Variants in CHRNB1 observed in about 807,000 individuals in gnomAD.
The protein encoded by CHRNB1 is acetylcholine receptor subunit beta.
A neutral mutation model predicts 53.8 loss-of-function variants in CHRNB1; 47 were observed. The observed-to-expected ratio is 0.87, with a 90% CI of 0.69 to 1.11. The LOEUF (loss-of-function observed/expected upper bound fraction) is 1.11. Among genes scored for constraint, CHRNB1 ranks in the 50% most tolerant of loss-of-function variants. The probability of loss-of-function intolerance (pLI) is 0.00; values close to 1 mark genes in which losing one functional copy is unlikely to be tolerated. For missense variants in CHRNB1, 605 were observed against 654.9 expected, an observed-to-expected ratio of 0.92 and a Z score of 0.83; for synonymous variants, 259 against 263.5, an observed-to-expected ratio of 0.98 and a Z score of 0.16.
Position 7,445,241 on chromosome 17 carries a change from A to G in CHRNB1, c.59-29A>G. 6.2e-7 allele frequency: 1 copy of G among 1,612,180 alleles called. No homozygotes were observed. Among genetic ancestry groups the G allele is most frequent in the Non-Finnish European group, 8.5e-7 (1 of 1,179,550 alleles). On this transcript the variant is annotated intron_variant, in intron 1 of 10. Coordinates refer to ENST00000306071, the MANE Select transcript of CHRNB1 (RefSeq NM_000747.3). The surrounding 1 kb of genome is among the most constrained non-coding windows in gnomAD (Gnocchi z 5.7). Reference sequence around the variant, plus strand: ...GGGCCAGCGGTCGTGGCCAGGCACCAGGGCTGCACTTATTCTCTCCTCCCC... The same window carrying G: ...GGGCCAGCGGTCGTGGCCAGGCACCGGGGCTGCACTTATTCTCTCCTCCCC...
rs1252916007 is a variant in CHRNB1 at position 7,445,628 on chromosome 17, C to G, written c.198+219C>G. 3.3e-5 allele frequency: 48 copies of G among 1,432,908 alleles called. No individual in the cohort carries two copies. The East Asian group carries it at 7.1e-4, about 21-fold the overall frequency. The allele number at this position is 1,432,908 out of a possible 1,614,324, so 88.8% of individuals were successfully genotyped here. ...GAGTAGAACTGGGTAGGGTGAAGGACGGACCTGTGATCGGACCTTAAAGTG... is the reference window on the plus strand; with the variant it reads ...GAGTAGAACTGGGTAGGGTGAAGGAGGGACCTGTGATCGGACCTTAAAGTG... On this transcript the variant is annotated intron_variant, in intron 2 of 10. Transcript: ENST00000306071. The surrounding 1 kb of genome is among the most constrained non-coding windows in gnomAD (Gnocchi z 5.7).
chr17:7,452,865 A>T (rs535068901), intron 7 of CHRNB1, among the ~76,000 whole-genome samples: 52 of 152,318 alleles, frequency 3.4e-4, no homozygotes, highest in Non-Finnish European at 5.3e-4. Context: ...TCTACTAAAA[A>T]TACAAAAAGT....
intron 5 of CHRNB1, 163 bp from the exon 6 acceptor site, chr17:7,447,340 C>A: frequency 1.1e-6 from 1 of 947,690 alleles, no homozygotes; most frequent in East Asian, 2.6e-5. Context: ...TCTAGTCTTA[C>A]TCAGTGACCG....
chr17:7,447,303 T>C, intron 5 of CHRNB1, 152 bp downstream of exon 5: 1 of 910,616 alleles, frequency 1.1e-6, no homozygotes. Flanking sequence ...GGTTTTCCAT[T>C]GAGTGTTCTG....
intron 10 of CHRNB1, 132 bp from the exon 11 acceptor site, chr17:7,456,451 C>T: frequency 8.7e-7 from 1 of 1,149,138 alleles, no homozygotes; most frequent in Non-Finnish European, 1.3e-6. Flanking sequence ...GTCTCGCTCT[C>T]CTGTTGGCGC....
intron 7 of CHRNB1, among the ~76,000 whole-genome samples, chr17:7,452,057 CT>C (rs34297883): frequency 0.43 from 58,905 of 138,508 alleles, 13,057 homozygotes; most frequent in African/African-American, 0.6. Context: ...TTTCCTTTTT[CT>C]TTTTTTTTTT....
Position 7,457,317 on chromosome 17 carries a change from C to CAA in CHRNB1, c.*605_*606dup, listed in dbSNP as rs879886948. The CAA allele has an allele frequency of 4.1e-5, 6 of 146,250 alleles. No individual in the cohort carries two copies. Among genetic ancestry groups the CAA allele is most frequent in the South Asian group, 2.0e-4 (1 of 5,056 alleles). The allele number at this position is 146,250 out of a possible 1,614,324, so 9.1% of individuals were successfully genotyped here. On this transcript the variant is annotated 3_prime_UTR_variant, in exon 11 of 11. Coordinates refer to ENST00000306071, the MANE Select transcript of CHRNB1 (RefSeq NM_000747.3). ...GGGCAACAAGAGCGAAACTCCATCT[C>CAA]AAAAAAAAAAAAGTGTCTTGTTCAC...
In CHRNB1 at chr17:7,457,105, G is replaced by T. The variant is rs1483046776; in HGVS notation, c.*382G>T. ...GGCCAAGGCGGGCGGATCACCTGAG[G>T]TCGGGAGTTTGAGACCAGCCCGACC... On this transcript the variant is annotated 3_prime_UTR_variant, in exon 11 of 11. Coordinates refer to ENST00000306071, the MANE Select transcript of CHRNB1 (RefSeq NM_000747.3). 3 of 253,982 alleles carry T rather than the reference G, an allele frequency of 1.2e-5. No homozygotes were observed. The highest frequency in any genetic ancestry group is 1.6e-5 in the Non-Finnish European group (2 of 126,672). The allele number at this position is 253,982 out of a possible 1,614,324, so 15.7% of individuals were successfully genotyped here. A position where few individuals can be genotyped will look rare whatever the true frequency, so the allele number is the denominator to read the frequency against.
At position 7,445,719 on chromosome 17, in the gene CHRNB1, C is replaced by T; in HGVS notation, c.198+310C>T. The T allele has an allele frequency of 1.1e-6, 1 of 952,024 alleles. No homozygotes were observed. The highest frequency in any genetic ancestry group is 1.5e-6 in the Non-Finnish European group (1 of 663,452). 59.0% of individuals were successfully genotyped at this position (952,024 alleles called of 1,614,324 possible). A position where few individuals can be genotyped will look rare whatever the true frequency, so the allele number is the denominator to read the frequency against. The stretch of plus-strand genomic sequence containing the variant: ...GTAGGGCCACATGAGTCCTGAGTGC[C>T]CAGGGTGGGGCGGAGCTTGGTGCTC... On this transcript the variant is annotated intron_variant, in intron 2 of 10. Transcript: ENST00000306071. This position sits in a 1 kb window ranked among gnomAD's most constrained non-coding sequence, Gnocchi z 5.7.
intron 8 of CHRNB1, 41 bp downstream of exon 8, chr17:7,454,561 C>CCATAGGG: frequency 1.3e-6 from 2 of 1,518,076 alleles, no homozygotes; most frequent in South Asian, 2.2e-5. Flanking sequence ...TTTCCTTTTA[C>CCATAGGG]AGACCATAGG....
At chr17:7,452,255 G>A (rs771517284) in intron 7 of CHRNB1, among the ~76,000 whole-genome samples, 12 of 151,728 alleles carry the variant, frequency 7.9e-5, no homozygotes, top group African/African-American at 2.7e-4. Context: ...ATGGGGTTTC[G>A]CTATGTTGGC....
At chr17:7,450,491 C>G (rs1908847258) in intron 7 of CHRNB1, among the ~76,000 whole-genome samples, 1 of 152,168 alleles carries the variant, frequency 6.6e-6, no homozygotes, top group Non-Finnish European at 1.5e-5. Flanking sequence ...GGAAGTGGGC[C>G]AACCATTGTC....
At chr17:7,454,829 G>GTTTTTTTTTTT (rs1909018319) in intron 8 of CHRNB1, among the ~76,000 whole-genome samples, 1 of 93,882 alleles carries the variant, frequency 1.1e-5, no homozygotes. Flanking sequence ...TTGAGATGGA[G>GTTTTTTTTTTT]TTTTGTTCTT....
chr17:7,448,007 G>T (rs1349424661), intron 6 of CHRNB1, among the ~76,000 whole-genome samples: 1 of 147,120 alleles, frequency 6.8e-6, no homozygotes, highest in African/African-American at 2.5e-5. Flanking sequence ...CCTGGGAGGT[G>T]GAGGTTGCGG....
Position 7,445,716 on chromosome 17 carries a change from T to A in CHRNB1, c.198+307T>A. ...GACGTAGGGCCACATGAGTCCTGAG[T>A]GCCCAGGGTGGGGCGGAGCTTGGTG... On this transcript the variant is annotated intron_variant, in intron 2 of 10. Coordinates refer to ENST00000306071, the MANE Select transcript of CHRNB1 (RefSeq NM_000747.3). This position sits in a 1 kb window ranked among gnomAD's most constrained non-coding sequence, Gnocchi z 5.7. 2 of 964,446 alleles carry A rather than the reference T, an allele frequency of 2.1e-6. No individual in the cohort carries two copies. Among genetic ancestry groups the A allele is most frequent in the African/African-American group, 1.7e-5 (1 of 60,606 alleles). 59.7% of individuals were successfully genotyped at this position (964,446 alleles called of 1,614,324 possible). A position where few individuals can be genotyped will look rare whatever the true frequency, so the allele number is the denominator to read the frequency against.
chr17:7,445,295 T>C lies in CHRNB1; in HGVS notation c.84T>C (p.Gly28=), dbSNP rs138041351. 279 of 1,610,804 alleles carry C rather than the reference T, an allele frequency of 1.7e-4. No homozygotes were observed. The African/African-American group carries it at 3.4e-3, about 20-fold the overall frequency. ...APGVRGSEAE[G]RLREKLFSGY... Reference sequence around the variant, plus strand: ...GCGTCCGCGGCTCGGAGGCGGAGGGTCGACTCCGGGAGAAACTTTTCTCTG... The same window carrying C: ...GCGTCCGCGGCTCGGAGGCGGAGGGCCGACTCCGGGAGAAACTTTTCTCTG... The change falls in exon 2 of 11, where the codon GGT becomes GGC. Residue 28 remains glycine, a synonymous_variant. Coordinates refer to ENST00000306071, the MANE Select transcript of CHRNB1 (RefSeq NM_000747.3). This position sits in a 1 kb window ranked among gnomAD's most constrained non-coding sequence, Gnocchi z 5.7.
Position 7,456,665 on chromosome 17 carries a change from C to T in CHRNB1, c.1448C>T (p.Thr483Ile), listed in dbSNP as rs369847025. Residue 483 changes from threonine to isoleucine, a missense_variant, in exon 11 of 11, where the codon ACC (threonine) becomes ATC (isoleucine). Transcript: ENST00000306071. The stretch of plus-strand genomic sequence containing the variant: ...TTCATCATCTTCACCAGCGTTGGGA[C>T]CCTAGTCATCTTCCTGGACGCCACG... ...WTFIIFTSVG[T>I]LVIFLDATYH... is the part of the protein sequence containing the mutation. 16 of 1,614,006 alleles carry T rather than the reference C, an allele frequency of 9.9e-6. No homozygotes were observed. Among genetic ancestry groups the T allele is most frequent in the Non-Finnish European group, 1.4e-5 (16 of 1,180,044 alleles).
chr17:7,447,611 G>T lies in CHRNB1; in HGVS notation c.571G>T (p.Gly191Trp). Residue 191 changes from glycine to tryptophan, a missense_variant, in exon 6 of 11, where the codon GGG (glycine) becomes TGG (tryptophan). Coordinates refer to ENST00000306071, the MANE Select transcript of CHRNB1 (RefSeq NM_000747.3). Reference sequence around the variant, plus strand: ...GACAGGCCTGGGTCCTGACGGGCAAGGGCATCAGGAAATCCACATTCATGA... The same window carrying T: ...GACAGGCCTGGGTCCTGACGGGCAATGGCATCAGGAAATCCACATTCATGA... ...LQTGLGPDGQ[G>W]HQEIHIHEGT... 3 of 1,614,220 alleles carry T rather than the reference G, an allele frequency of 1.9e-6. No homozygotes were observed. The highest frequency in any genetic ancestry group is 2.5e-6 in the Non-Finnish European group (3 of 1,180,042).
intron 9 of CHRNB1, 40 bp downstream of exon 9, chr17:7,455,496 G>A: frequency 1.9e-6 from 3 of 1,609,136 alleles, no homozygotes; most frequent in South Asian, 1.1e-5. Flanking sequence ...GGGAGAGGGA[G>A]AACTACAGTT....
Sources: allele counts gnomAD v4.1 joint callset (sites outside exome capture counted in the v4.1 genomes callset), GRCh38; gene constraint gnomAD v4.1.1; non-coding constraint Gnocchi (gnomAD v3.1); transcripts MANE v1.5; gene names NCBI Gene and HGNC (gene_info 2026-07-23, HGNC 2026-07-21).